HJURP: variants seen among roughly 807,000 people sequenced by gnomAD.
HJURP encodes the protein 14-3-3-associated AKT substrate.
Under a neutral mutation model 72.0 loss-of-function variants are expected in HJURP, and 49 were observed. The observed-to-expected ratio is 0.68, with a 90% CI of 0.54 to 0.86. The LOEUF (loss-of-function observed/expected upper bound fraction) is 0.86. Among genes scored for constraint, HJURP ranks in the 40% least tolerant of loss-of-function variants. HJURP has a pLI of 0.00. For missense variants in HJURP, 908 were observed against 936.3 expected (o/e 0.97, Z 0.39); for synonymous variants, 357 against 347.1 (o/e 1.03, Z -0.32).
In HJURP at chr2:233,853,777, G is replaced by A. The variant is rs367684985; in HGVS notation, c.184+67C>T. On this transcript the variant is annotated intron_variant, in intron 2 of 8. Coordinates refer to ENST00000411486, the MANE Select transcript of HJURP (RefSeq NM_018410.5). ...AATGTTTACTTCTTAAGAGAGCAGGGACAGCATTTCAACTACTCCATTCAC... is the reference window on the plus strand; with the variant it reads ...AATGTTTACTTCTTAAGAGAGCAGGAACAGCATTTCAACTACTCCATTCAC... 16 of 1,284,320 alleles carry A rather than the reference G, an allele frequency of 1.2e-5. No homozygotes were observed. The African/African-American group carries it at 1.9e-4, about 15-fold the overall frequency. 79.6% of individuals were successfully genotyped at this position (1,284,320 alleles called of 1,614,324 possible). A position where few individuals can be genotyped will look rare whatever the true frequency, so the allele number is the denominator to read the frequency against.
Position 233,840,877 on chromosome 2 carries a change from C to T in HJURP, c.1903G>A (p.Gly635Ser), listed in dbSNP as rs769626836. The T allele has an allele frequency of 6.2e-7, 1 of 1,614,086 alleles. No individual in the cohort carries two copies. The highest frequency in any genetic ancestry group is 1.3e-5 in the African/African-American group (1 of 75,010). Residue 635 changes from glycine to serine, a missense_variant, in exon 8 of 9, where the codon GGT becomes AGT. This residue lies in a region of HJURP where 598 missense variants were observed against 619.5 expected (regional missense o/e 0.97). Transcript: ENST00000411486. ...GKLNPDPHFQ[G>S]FQKLPSSPLG... ...GGTGATGATGGCAACTTCTGGAAAC[C>T]CTGGAAGTGAGGGTCTGGATTTAAT...
rs774117042 is a variant in HJURP, at chr2:233,840,895, G to A, written c.1885C>T (p.Pro629Ser). ...TGGAAACCCTGGAAGTGAGGGTCTGGATTTAATTTTCCTAAGAAGCCTTCT... is the reference window on the plus strand; with the variant it reads ...TGGAAACCCTGGAAGTGAGGGTCTGAATTTAATTTTCCTAAGAAGCCTTCT... ...QTEGFLGKLN[P>S]DPHFQGFQKL... Residue 629 changes from proline (P) to serine (S), a missense_variant, in exon 8 of 9, where the codon CCA (proline) becomes TCA (serine). Physicochemically the swap from Pro to Ser is moderately conservative, Grantham distance 74. Coordinates refer to ENST00000411486, the MANE Select transcript of HJURP (RefSeq NM_018410.5). 2 of 1,614,142 alleles carry A rather than the reference G, an allele frequency of 1.2e-6. No homozygotes were observed. Among genetic ancestry groups the A allele is most frequent in the Admixed American group, 1.7e-5 (1 of 60,020 alleles).
In HJURP at chr2:233,847,506, A is replaced by G. The variant is rs1177108872; in HGVS notation, c.338-45T>C. 2.0e-6 allele frequency: 3 copies of G among 1,523,724 alleles called. No individual in the cohort carries two copies. In the South Asian group the frequency reaches 3.4e-5, roughly 17 times the overall value. The allele number at this position is 1,523,724 out of a possible 1,614,324, so 94.4% of individuals were successfully genotyped here. ...ATCTCAATCAGGATTTTCAGGAAGG[A>G]GTGCATTTTCCTCTCAAGGATGGTT... On this transcript the variant is annotated intron_variant, in intron 4 of 8. Transcript: ENST00000411486.
intron 1 of HJURP, 123 bp downstream of exon 1, chr2:233,854,261 A>C: frequency 1.5e-6 from 1 of 656,130 alleles, no homozygotes; most frequent in Non-Finnish European, 2.6e-6. Context: ...TCCAAGCCCC[A>C]GTCCCGCTTC....
chr2:233,850,976 C>G (rs1017968262), intron 3 of HJURP, among the ~76,000 whole-genome samples: 4 of 152,260 alleles, frequency 2.6e-5, no homozygotes, highest in African/African-American at 9.6e-5. Context: ...GAAGGCGGAT[C>G]TGGACACTGT....
chr2:233,844,759 A>C (rs1203339925), intron 6 of HJURP, among the ~76,000 whole-genome samples: 1 of 152,108 alleles, frequency 6.6e-6, no homozygotes, highest in Admixed American at 6.6e-5. Context: ...GTGGTCCACA[A>C]ATACAGGCTT....
In HJURP at chr2:233,841,267, C is replaced by T; in HGVS notation, c.1513G>A (p.Gly505Ser). ...CTACCTGCTTCCAGAGATCTTTTGC[C>T]TAGGTTTTCAAAAGCCTCACTTAAA... is the stretch of plus-strand genomic sequence containing the variant. ...KSLSEAFENL[G>S]KRSLEAGRCL... The change falls in exon 8 of 9, where the codon GGC (glycine) becomes AGC (serine). Residue 505 changes from glycine (G) to serine (S), a missense_variant. Gly to Ser is a moderately conservative substitution (Grantham distance 56). This residue lies in a region of HJURP where 598 missense variants were observed against 619.5 expected (regional missense o/e 0.97). Coordinates refer to ENST00000411486, the MANE Select transcript of HJURP (RefSeq NM_018410.5). 6.2e-7 allele frequency: 1 copy of T among 1,614,042 alleles called. No homozygotes were observed. The highest frequency in any genetic ancestry group is 8.5e-7 in the Non-Finnish European group (1 of 1,179,926).
At position 233,852,635 on chromosome 2, in the gene HJURP, C is replaced by A. The variant is rs184471850; in HGVS notation, c.185-15G>T. 1.3e-6 allele frequency: 2 copies of A among 1,579,262 alleles called. No homozygotes were observed. The highest frequency in any genetic ancestry group is 1.7e-5 in the Admixed American group (1 of 59,922). The stretch of plus-strand genomic sequence containing the variant: ...AATTCTCAATCCTGAAGAAAAGAAA[C>A]AAAAATGACCATTTACATAATCCTG... On this transcript the variant is annotated splice_polypyrimidine_tract_variant and intron_variant, in intron 2 of 8. Coordinates refer to ENST00000411486, the MANE Select transcript of HJURP (RefSeq NM_018410.5).
At position 233,841,678 on chromosome 2, in the gene HJURP, G is replaced by C; in HGVS notation, c.1102C>G (p.His368Asp). 6.2e-7 allele frequency: 1 copy of C among 1,614,176 alleles called. No homozygotes were observed. Among genetic ancestry groups the C allele is most frequent in the South Asian group, 1.1e-5 (1 of 91,072 alleles). ...TCCTTCCAACTTGGATCTAACTTAT[G>C]GATTTGGGGTCTGTTGACTTCAAGA... ...AFLEVNRPQIHKLDPSWKERK... is the reference protein window; with the variant it reads ...AFLEVNRPQIDKLDPSWKERK... Residue 368 changes from histidine (H) to aspartate (D), a missense_variant, in exon 8 of 9, where the codon CAT becomes GAT. Coordinates refer to ENST00000411486, the MANE Select transcript of HJURP (RefSeq NM_018410.5).
At position 233,849,757 on chromosome 2, in the gene HJURP, A is replaced by G. The variant is rs1202104681; in HGVS notation, c.337+6T>C. On this transcript the variant is annotated splice_donor_region_variant and intron_variant, in intron 4 of 8. Transcript: ENST00000411486. ...ACTTCAGTTCTCTGACGAAGGCAACACTCACCGGCTCCCAGGACTGTGCGG... is the reference window on the plus strand; with the variant it reads ...ACTTCAGTTCTCTGACGAAGGCAACGCTCACCGGCTCCCAGGACTGTGCGG... The G allele has an allele frequency of 1.3e-6, 2 of 1,546,210 alleles. No homozygotes were observed. The highest frequency in any genetic ancestry group is 2.0e-5 in the Admixed American group (1 of 50,998).
At position 233,841,323 on chromosome 2, in the gene HJURP, C is replaced by T; in HGVS notation, c.1457G>A (p.Ser486Asn). 1.2e-6 allele frequency: 2 copies of T among 1,614,178 alleles called. No homozygotes were observed. Among genetic ancestry groups the T allele is most frequent in the Non-Finnish European group, 1.7e-6 (2 of 1,180,036 alleles). ...TGCTTTTGCTTTGCTGGAAGGTAAA[C>T]TCAGCCTGCGGGTTTCTAAGCCCTG... ...GLQGLETRRL[S>N]LPSSKAKAKS... is the part of the protein sequence containing the mutation. The change falls in exon 8 of 9, where the codon AGT becomes AAT. Residue 486 changes from serine (S) to asparagine (N), a missense_variant. Ser to Asn is a conservative substitution (Grantham distance 46). Around this residue, in one of 3 missense-constraint regions of HJURP, gnomAD observed 598 missense variants for 619.5 expected, o/e 0.97. Coordinates refer to ENST00000411486, the MANE Select transcript of HJURP (RefSeq NM_018410.5).
At position 233,849,794 on chromosome 2, in the gene HJURP, C is replaced by G; in HGVS notation, c.306G>C (p.Glu102Asp). The change falls in exon 4 of 9, where the codon GAG (glutamate) becomes GAC (aspartate). Residue 102 changes from glutamate (E) to aspartate (D), a missense_variant. Glu to Asp is a conservative substitution (Grantham distance 45, BLOSUM62 2). Around this residue, in one of 3 missense-constraint regions of HJURP, gnomAD observed 299 missense variants for 286.7 expected, o/e 1.04. Coordinates refer to ENST00000411486, the MANE Select transcript of HJURP (RefSeq NM_018410.5). Reference protein sequence around the residue: ...GSVQAAAWGPELPSHRTVLGA... With the variant: ...GSVQAAAWGPDLPSHRTVLGA... ...CCAGGACTGTGCGGTGCGAGGGAAGCTCAGGACCCCAGGCTGCAGCTTGCA... is the reference window on the plus strand; with the variant it reads ...CCAGGACTGTGCGGTGCGAGGGAAGGTCAGGACCCCAGGCTGCAGCTTGCA... 7.7e-6 allele frequency: 12 copies of G among 1,554,838 alleles called. No individual in the cohort carries two copies. The highest frequency in any genetic ancestry group is 1.0e-5 in the Non-Finnish European group (12 of 1,148,782).
chr2:233,841,803 G>T lies in HJURP; in HGVS notation c.977C>A (p.Pro326His), dbSNP rs201038568. The T allele has an allele frequency of 5.9e-5, 96 of 1,613,972 alleles. No individual in the cohort carries two copies. The Admixed American group carries it at 6.0e-4, about 10-fold the overall frequency. ...TGTCCCTTTCACAGGCTCAGAGCAGGGTATGAAGTTCTCCTTGGAGCTCCT... is the reference window on the plus strand; with the variant it reads ...TGTCCCTTTCACAGGCTCAGAGCAGTGTATGAAGTTCTCCTTGGAGCTCCT... ...SQRSSKENFI[P>H]CSEPVKGTGA... Residue 326 changes from proline to histidine, a missense_variant, in exon 8 of 9, where the codon CCC (proline) becomes CAC (histidine). Pro to His is a moderately conservative substitution (Grantham distance 77). Around this residue, in one of 3 missense-constraint regions of HJURP, gnomAD observed 598 missense variants for 619.5 expected, o/e 0.97. Coordinates refer to ENST00000411486, the MANE Select transcript of HJURP (RefSeq NM_018410.5).
intron 6 of HJURP, 44 bp from the exon 7 acceptor site, chr2:233,844,327 T>G: frequency 1.4e-6 from 2 of 1,475,080 alleles, no homozygotes; most frequent in Non-Finnish European, 1.9e-6. Flanking sequence ...TTGCCAGGTG[T>G]CAACTGGGTG....
At chr2:233,850,171 T>C (rs1187962349) in intron 3 of HJURP, among the ~76,000 whole-genome samples, 3 of 152,220 alleles carry the variant, frequency 2.0e-5, no homozygotes, top group African/African-American at 7.2e-5. Flanking sequence ...TGACAGGGAC[T>C]GGGGCAAACA....
intron 2 of HJURP, 68 bp downstream of exon 2, chr2:233,853,776 G>C: frequency 7.8e-7 from 1 of 1,275,534 alleles, no homozygotes; most frequent in Non-Finnish European, 1.1e-6. Flanking sequence ...AAGAGAGCAG[G>C]GACAGCATTT....
At position 233,851,027 on chromosome 2, in the gene HJURP, G is replaced by A. The variant is rs79642575; in HGVS notation, c.241-1168C>T. Among the ~76,000 whole-genome samples, 5 of 152,368 alleles carry A rather than the reference G, an allele frequency of 3.3e-5. No individual in the cohort carries two copies. The East Asian group carries it at 9.6e-4, about 29-fold the overall frequency. On this transcript the variant is annotated intron_variant, in intron 3 of 8. Transcript: ENST00000411486. ...CAGTGAAGTCAGAGATGTCCCCGCT[G>A]AAATCTCAGGCTACGCCCAGTTTCC...
At chr2:233,844,124 G>A (rs1344522011) in intron 7 of HJURP, 81 bp downstream of exon 7, 1 of 1,034,604 alleles carries the variant, frequency 9.7e-7, no homozygotes, top group Admixed American at 1.8e-5. Context: ...TGGCCAGTAT[G>A]AGCAGCTCTG....
Position 233,837,035 on chromosome 2 carries a change from C to T in HJURP, c.*542G>A, listed in dbSNP as rs1705080545. ...GGGAGCAGTGGCTCACGCCTATAAT[C>T]CCAGCACTTTGGGAGGCCGAGGCAG... is the stretch of plus-strand genomic sequence containing the variant. On this transcript the variant is annotated 3_prime_UTR_variant, in exon 9 of 9. Coordinates refer to ENST00000411486, the MANE Select transcript of HJURP (RefSeq NM_018410.5). 1 of 154,756 alleles carries T rather than the reference C, an allele frequency of 6.5e-6. No homozygotes were observed. Among genetic ancestry groups the T allele is most frequent in the South Asian group, 2.0e-4 (1 of 4,988 alleles). The allele number at this position is 154,756 out of a possible 1,614,324, so 9.6% of individuals were successfully genotyped here.
Sources: allele counts gnomAD v4.1 joint callset (sites outside exome capture counted in the v4.1 genomes callset), GRCh38; gene constraint gnomAD v4.1.1; regional missense constraint gnomAD v4.1.1; transcripts MANE v1.5; gene names NCBI Gene and HGNC (gene_info 2026-07-23, HGNC 2026-07-21).